Variants in STARD3NL observed in about 807,000 individuals in gnomAD.
STARD3NL encodes the protein STARD3 N-terminal-like protein.
Under a neutral mutation model 30.9 loss-of-function variants are expected in STARD3NL, and 17 were observed. The observed-to-expected ratio is 0.55, with a 90% confidence interval of 0.38 to 0.82. The LOEUF (loss-of-function observed/expected upper bound fraction) is 0.82. Among genes scored for constraint, STARD3NL ranks in the 40% least tolerant of loss-of-function variants. The pLI is 0.00. For missense variants in STARD3NL, 234 were observed against 277.6 expected (o/e 0.84, Z 1.12); for synonymous variants, 112 against 100.5 (o/e 1.11, Z -0.69).
At chr7:38,229,689 G>T (rs1383768076) in intron 8 of STARD3NL, among the ~76,000 whole-genome samples, 1 of 152,134 alleles carries the variant, frequency 6.6e-6, no homozygotes, top group African/African-American at 2.4e-5. Flanking sequence ...CACCTCAGCC[G>T]CATCTCTCCA....
intron 2 of STARD3NL, among the ~76,000 whole-genome samples, chr7:38,209,692 T>C (rs1441753809): frequency 6.6e-6 from 1 of 152,224 alleles, no homozygotes; most frequent in Non-Finnish European, 1.5e-5. Flanking sequence ...TGGCTGCTTA[T>C]ATCACTGTAT....
chr7:38,228,975 C>A, intron 8 of STARD3NL, 104 bp downstream of exon 8: 1 of 720,980 alleles, frequency 1.4e-6, no homozygotes, highest in Non-Finnish European at 2.2e-6. Flanking sequence ...TAAGGATAGC[C>A]AGAGTTATCT....
At chr7:38,190,434 G>A (rs1784637723) in intron 1 of STARD3NL, among the ~76,000 whole-genome samples, 1 of 152,258 alleles carries the variant, frequency 6.6e-6, no homozygotes, top group Middle Eastern at 3.4e-3. Flanking sequence ...TGCATCTTAT[G>A]TTTAAATGTA....
chr7:38,178,857 T>A (rs1784129157), intron 1 of STARD3NL, among the ~76,000 whole-genome samples: 2 of 90,774 alleles, frequency 2.2e-5, no homozygotes, highest in African/African-American at 4.8e-5. Context: ...TTGAGAAAAG[T>A]CGTGTTCAAA....
At chr7:38,215,157 T>C in intron 4 of STARD3NL, 52 bp downstream of exon 4, 1 of 1,549,334 alleles carries the variant, frequency 6.5e-7, no homozygotes. Flanking sequence ...GGTGGCCAAG[T>C]CCTGCTCTCA....
intron 1 of STARD3NL, among the ~76,000 whole-genome samples, chr7:38,204,887 A>G (rs1231566057): frequency 6.6e-6 from 1 of 152,210 alleles, no homozygotes; most frequent in Non-Finnish European, 1.5e-5. Context: ...AAAATCTAGA[A>G]GAAATGGATA....
intron 8 of STARD3NL, among the ~76,000 whole-genome samples, chr7:38,229,138 G>T (rs1786955436): frequency 6.6e-6 from 1 of 152,220 alleles, no homozygotes; most frequent in South Asian, 2.1e-4. Flanking sequence ...TAGCCAGAAT[G>T]TCTACATGCC....
chr7:38,198,488 C>G (rs919127363), intron 1 of STARD3NL: 3 of 152,240 alleles, frequency 2.0e-5, no homozygotes, highest in Non-Finnish European at 4.4e-5. Flanking sequence ...AAACACTGTA[C>G]AAGACCAAGA....
At chr7:38,207,885 T>C (rs2075008) in intron 2 of STARD3NL, among the ~76,000 whole-genome samples, 156 bp downstream of exon 2, 12,692 of 152,274 alleles carry the variant, frequency 0.083, 647 homozygotes, top group Middle Eastern at 0.15. Flanking sequence ...ACCTTTCTTG[T>C]TCTTTAATAT....
intron 1 of STARD3NL, among the ~76,000 whole-genome samples, chr7:38,184,820 ATATATATATAGGCAGCATATATAC>A: frequency 6.8e-6 from 1 of 146,322 alleles, no homozygotes; most frequent in East Asian, 2.0e-4. Context: ...ATGGAAATAC[ATATATATATAGGCAGCATATATAC>A]TATATATATG....
chr7:38,190,280 A>C (rs1271914630), intron 1 of STARD3NL, among the ~76,000 whole-genome samples: 2 of 152,290 alleles, frequency 1.3e-5, no homozygotes, highest in Non-Finnish European at 2.9e-5. Context: ...AAAACTCATG[A>C]ACATTTATTT....
chr7:38,182,393 A>T (rs1784285810), intron 1 of STARD3NL, among the ~76,000 whole-genome samples: 1 of 152,214 alleles, frequency 6.6e-6, no homozygotes, highest in Non-Finnish European at 1.5e-5. Context: ...TGTTTATGGT[A>T]TTGGAAAATA....
At chr7:38,188,433 G>A (rs1209102170) in intron 1 of STARD3NL, among the ~76,000 whole-genome samples, 1 of 152,014 alleles carries the variant, frequency 6.6e-6, no homozygotes, top group Non-Finnish European at 1.5e-5. Flanking sequence ...AAATAATCTC[G>A]ACCCCTCAGT....
intron 1 of STARD3NL, among the ~76,000 whole-genome samples, chr7:38,181,969 A>T (rs1040328513): frequency 6.6e-6 from 1 of 152,182 alleles, no homozygotes; most frequent in African/African-American, 2.4e-5. Flanking sequence ...ATGCTGCTTT[A>T]TCAATAAAGC....
chr7:38,215,060 A>G lies in STARD3NL; in HGVS notation c.336A>G (p.Ile112Met). ...LLAVFRFKVL[I>M]LAYAVCRLRH... ...CAGTTTTTCGATTTAAAGTGTTAAT[A>G]CTTGCATATGCTGTGTGCAGACTGC... is the stretch of plus-strand genomic sequence containing the variant. The change falls in exon 4 of 9, where the codon ATA (isoleucine) becomes ATG (methionine). Residue 112 changes from isoleucine to methionine, a missense_variant. Transcript: ENST00000009041. 1.9e-6 allele frequency: 3 copies of G among 1,614,022 alleles called. No individual in the cohort carries two copies. Among genetic ancestry groups the G allele is most frequent in the South Asian group, 1.1e-5 (1 of 91,090 alleles).
At chr7:38,212,817 T>C (rs1452843944) in intron 2 of STARD3NL, among the ~76,000 whole-genome samples, 1 of 152,156 alleles carries the variant, frequency 6.6e-6, no homozygotes, top group Non-Finnish European at 1.5e-5. Flanking sequence ...CTCTAAAGTT[T>C]CCAGTGATGA....
intron 1 of STARD3NL, among the ~76,000 whole-genome samples, chr7:38,198,705 C>T (rs960730367): frequency 3.9e-5 from 6 of 152,210 alleles, no homozygotes; most frequent in Admixed American, 3.3e-4. Flanking sequence ...AGGAGGTGCA[C>T]AGTCTCTCTC....
At chr7:38,213,381 A>C (rs1422231742) in intron 2 of STARD3NL, among the ~76,000 whole-genome samples, 3 of 152,244 alleles carry the variant, frequency 2.0e-5, no homozygotes, top group Non-Finnish European at 4.4e-5. Context: ...GATAGTATTT[A>C]TGGTATGCTT....
At position 38,180,561 on chromosome 7, in the gene STARD3NL, C is replaced by A. The variant is rs146158659; in HGVS notation, c.-59+2141C>A. ...CCAGGTATGTTACATACATTCTATT[C>A]CTTCCAACTTGTGGCAAAGGAAAAT... On this transcript the variant is annotated intron_variant, in intron 1 of 8. Coordinates refer to ENST00000009041, the MANE Select transcript of STARD3NL (RefSeq NM_032016.4). 5.3e-5 allele frequency among the ~76,000 whole-genome samples: 8 copies of A among 152,156 alleles called. No individual in the cohort carries two copies. In the East Asian group the frequency reaches 5.8e-4, roughly 11 times the overall value.
Sources: allele counts gnomAD v4.1 joint callset (sites outside exome capture counted in the v4.1 genomes callset), GRCh38; gene constraint gnomAD v4.1.1; transcripts MANE v1.5; gene names NCBI Gene and HGNC (gene_info 2026-07-23, HGNC 2026-07-21).